PTPRD: variants seen among roughly 807,000 people sequenced by gnomAD.
PTPRD encodes the protein receptor-type tyrosine-protein phosphatase delta.
Under a neutral mutation model 214.5 loss-of-function variants are expected in PTPRD, and 34 were observed. That is an observed-to-expected ratio of 0.16 (90% CI 0.12 to 0.21). The LOEUF (loss-of-function observed/expected upper bound fraction) is 0.21. Among genes scored for constraint, PTPRD ranks in the 10% least tolerant of loss-of-function variants. The pLI is 1.00. For synonymous variants in PTPRD, 1,128 were observed against 845.7 expected (o/e 1.33, Z -5.79); for missense variants, 2,545 against 2,398.7 (o/e 1.06, Z -1.27).
At chr9:9,801,745 C>T (rs1023193038) in intron 5 of PTPRD, among the ~76,000 whole-genome samples, 1 of 151,968 alleles carries the variant, frequency 6.6e-6, no homozygotes, top group Admixed American at 6.6e-5. Flanking sequence ...AGGTTAAATT[C>T]ACCAAACAGG....
intron 14 of PTPRD, among the ~76,000 whole-genome samples, chr9:8,560,250 T>C (rs1275843100): frequency 3.3e-5 from 5 of 152,172 alleles, no homozygotes; most frequent in Admixed American, 6.5e-5. Flanking sequence ...AACCAAGTTA[T>C]AAAAATGAGA....
At chr9:8,531,574 C>T (rs2075706239) in intron 14 of PTPRD, among the ~76,000 whole-genome samples, 2 of 152,064 alleles carry the variant, frequency 1.3e-5, no homozygotes, top group South Asian at 4.1e-4. Context: ...TGTTATGTTC[C>T]ATTTTTAAAG....
chr9:9,610,439 T>C (rs1334025021), intron 7 of PTPRD, among the ~76,000 whole-genome samples: 1 of 152,214 alleles, frequency 6.6e-6, no homozygotes, highest in African/African-American at 2.4e-5. Context: ...CTTAGAAATG[T>C]GCTAAATCAT....
At chr9:10,311,840 C>T (rs768967592) in intron 3 of PTPRD, among the ~76,000 whole-genome samples, 3 of 151,992 alleles carry the variant, frequency 2.0e-5, no homozygotes, top group Non-Finnish European at 4.4e-5. Flanking sequence ...ATTCTGATGA[C>T]ATAAAATGCT....
intron 4 of PTPRD, among the ~76,000 whole-genome samples, chr9:9,979,145 G>T (rs1407653052): frequency 9.9e-5 from 15 of 151,884 alleles, no homozygotes; most frequent in Non-Finnish European, 2.1e-4. Context: ...ATGTCCTTCA[G>T]GCAGAAGGAA....
In PTPRD at chr9:9,222,267, T is replaced by C. The variant is rs1378200584; in HGVS notation, c.-202-38904A>G. On this transcript the variant is annotated intron_variant, in intron 9 of 45. Coordinates refer to ENST00000381196, the MANE Select transcript of PTPRD (RefSeq NM_002839.4). ...AGTTTAGCAAACAACTTCCAGGCCT[T>C]AACATAAACTGAAACTTTGGTTAAT... Among the ~76,000 whole-genome samples the C allele has an allele frequency of 1.2e-4, 18 of 152,140 alleles. No individual in the cohort carries two copies. The East Asian group carries it at 3.5e-3, about 29-fold the overall frequency.
At chr9:9,231,853 G>A (rs756727303) in intron 9 of PTPRD, among the ~76,000 whole-genome samples, 6 of 151,868 alleles carry the variant, frequency 4.0e-5, no homozygotes, top group Admixed American at 3.3e-4. Context: ...TTTACATTAC[G>A]TATTTTCCCT....
chr9:10,578,380 A>G (rs1009775164), intron 2 of PTPRD, among the ~76,000 whole-genome samples: 1 of 152,140 alleles, frequency 6.6e-6, no homozygotes, highest in African/African-American at 2.4e-5. Flanking sequence ...ATATTATCTG[A>G]ATAGTTATGT....
At chr9:10,292,319 A>G (rs1485311442) in intron 3 of PTPRD, among the ~76,000 whole-genome samples, 1 of 151,942 alleles carries the variant, frequency 6.6e-6, no homozygotes, top group East Asian at 1.9e-4. Flanking sequence ...TCTTAATGCC[A>G]CTATCCTAGT....
chr9:10,003,005 T>G (rs1253383788), intron 4 of PTPRD, among the ~76,000 whole-genome samples: 1 of 151,526 alleles, frequency 6.6e-6, no homozygotes, highest in Non-Finnish European at 1.5e-5. Flanking sequence ...TAAAATGAGA[T>G]AAAATTACAA....
chr9:9,392,770 G>C (rs558229042), intron 9 of PTPRD, among the ~76,000 whole-genome samples: 1 of 152,162 alleles, frequency 6.6e-6, no homozygotes, highest in Non-Finnish European at 1.5e-5. Context: ...ATTTGTCTAT[G>C]ATGTCTCTTC....
chr9:8,706,622 T>C (rs940339503), intron 12 of PTPRD, among the ~76,000 whole-genome samples: 3 of 152,158 alleles, frequency 2.0e-5, no homozygotes, highest in African/African-American at 7.2e-5. Context: ...AGCGCTCATC[T>C]CAGGAGCAGA....
intron 5 of PTPRD, among the ~76,000 whole-genome samples, chr9:9,819,308 A>T (rs2049900443): frequency 6.6e-6 from 1 of 152,148 alleles, no homozygotes. Context: ...ATTTATTTTT[A>T]AAGGCTTTTA....
chr9:10,076,329 G>A (rs1402669673), intron 3 of PTPRD, among the ~76,000 whole-genome samples: 4 of 152,078 alleles, frequency 2.6e-5, no homozygotes, highest in African/African-American at 9.7e-5. Flanking sequence ...AGGTTTAAGA[G>A]CGGGTGTAAA....
intron 11 of PTPRD, among the ~76,000 whole-genome samples, chr9:8,964,201 T>TTTTG (rs1232915390): frequency 7.0e-6 from 1 of 142,968 alleles, no homozygotes; most frequent in East Asian, 2.1e-4. Flanking sequence ...TGTTTTTTTT[T>TTTTG]TTTTTTTTTT....
chr9:9,354,169 T>C (rs903503951), intron 9 of PTPRD, among the ~76,000 whole-genome samples: 1 of 151,750 alleles, frequency 6.6e-6, no homozygotes. Context: ...GTTTTACCCA[T>C]GATGGTTCCT....
At chr9:9,106,741 T>A (rs1238421020) in intron 10 of PTPRD, among the ~76,000 whole-genome samples, 1 of 152,142 alleles carries the variant, frequency 6.6e-6, no homozygotes, top group African/African-American at 2.4e-5. Flanking sequence ...AATGCTCATT[T>A]AAAAAATTTC....
chr9:8,401,757 T>G (rs1380486323), intron 36 of PTPRD, among the ~76,000 whole-genome samples: 1 of 152,194 alleles, frequency 6.6e-6, no homozygotes, highest in Non-Finnish European at 1.5e-5. Flanking sequence ...CACTTCCAGT[T>G]TTTGTTGTTC....
At chr9:9,888,719 T>A (rs2071972542) in intron 5 of PTPRD, among the ~76,000 whole-genome samples, 1 of 152,164 alleles carries the variant, frequency 6.6e-6, no homozygotes, top group African/African-American at 2.4e-5. Context: ...CTCATATGGC[T>A]GAACCATGAG....
Sources: allele counts gnomAD v4.1 joint callset (sites outside exome capture counted in the v4.1 genomes callset), GRCh38; gene constraint gnomAD v4.1.1; transcripts MANE v1.5; gene names NCBI Gene and HGNC (gene_info 2026-07-23, HGNC 2026-07-21).